HECW2: variants seen among roughly 807,000 people sequenced by gnomAD.
HECW2 encodes the protein E3 ubiquitin-protein ligase HECW2.
In HECW2, 61 loss-of-function variants were observed where a neutral mutation model predicts 175.2. The observed-to-expected ratio is 0.35, with a 90% CI of 0.28 to 0.43. The LOEUF (loss-of-function observed/expected upper bound fraction) is 0.43. HECW2 is among the 20% of genes least tolerant of loss of function. The pLI is 1.00. For synonymous variants in HECW2, 671 were observed against 731.0 expected (o/e 0.92, Z 1.32); for missense variants, 1,524 against 2,000.5 (o/e 0.76, Z 4.54).
rs1553628495 is a variant in HECW2 at position 196,198,587 on chromosome 2, CTCTCA to C, written c.*2685_*2689del. 1.3e-5 allele frequency: 2 copies of C among 152,150 alleles called. No individual in the cohort carries two copies. The highest frequency in any genetic ancestry group is 2.9e-5 in the Non-Finnish European group (2 of 68,022). The allele number at this position is 152,150 out of a possible 1,614,324, so 9.4% of individuals were successfully genotyped here. On this transcript the variant is annotated 3_prime_UTR_variant, in exon 29 of 29. Transcript: ENST00000644978. ...AGGGAATGCCAATGATGTGCTTGTTCTCTCATCTAAGAGATGTTCTGCATACATAT... is the reference window on the plus strand; with the variant it reads ...AGGGAATGCCAATGATGTGCTTGTTCTCTAAGAGATGTTCTGCATACATAT...
chr2:196,333,121 G>C (rs1028684319), intron 4 of HECW2, among the ~76,000 whole-genome samples: 1 of 151,974 alleles, frequency 6.6e-6, no homozygotes, highest in African/African-American at 2.4e-5. Context: ...GGAATTTCCT[G>C]ATCAGGACAA....
At chr2:196,468,312 G>T (rs1235799757) in intron 1 of HECW2, among the ~76,000 whole-genome samples, 1 of 152,118 alleles carries the variant, frequency 6.6e-6, no homozygotes, top group African/African-American at 2.4e-5. Context: ...CTTTAAAGAC[G>T]AATGTTTCAA....
chr2:196,320,232 A>C (rs1031683099), intron 8 of HECW2, 107 bp downstream of exon 8: 3 of 733,082 alleles, frequency 4.1e-6, no homozygotes, highest in Non-Finnish European at 6.8e-6. Context: ...TTTACTTTCA[A>C]AACAGAACAT....
intron 17 of HECW2, among the ~76,000 whole-genome samples, chr2:196,259,217 GC>G (rs1689185334): frequency 6.6e-6 from 1 of 152,188 alleles, no homozygotes; most frequent in African/African-American, 2.4e-5. Context: ...CATGTGAGCT[GC>G]CTGCCTTGGC....
At chr2:196,504,887 GA>G (rs971081024) in intron 1 of HECW2, among the ~76,000 whole-genome samples, 24 of 147,648 alleles carry the variant, frequency 1.6e-4, no homozygotes, top group Admixed American at 1.1e-3. Context: ...TTTTCAGGCT[GA>G]AAAAAAAAAT....
intron 1 of HECW2, among the ~76,000 whole-genome samples, chr2:196,454,111 A>C (rs1338343211): frequency 6.6e-6 from 1 of 152,096 alleles, no homozygotes; most frequent in Non-Finnish European, 1.5e-5. Context: ...CCCAGGTTCA[A>C]GCAATTTATG....
At chr2:196,470,599 A>G (rs1697156665) in intron 1 of HECW2, among the ~76,000 whole-genome samples, 1 of 152,196 alleles carries the variant, frequency 6.6e-6, no homozygotes, top group Admixed American at 6.5e-5. Context: ...GGCATAAAAA[A>G]CTAAGCAAGA....
intron 1 of HECW2, among the ~76,000 whole-genome samples, chr2:196,532,036 A>G (rs1429915111): frequency 6.6e-6 from 1 of 152,246 alleles, no homozygotes; most frequent in Non-Finnish European, 1.5e-5. Context: ...CCTGCACACA[A>G]CTGGCATCTA....
intron 1 of HECW2, among the ~76,000 whole-genome samples, chr2:196,555,208 G>A (rs557631611): frequency 3.3e-5 from 5 of 152,254 alleles, no homozygotes; most frequent in African/African-American, 7.2e-5. Flanking sequence ...CAACAGAAAT[G>A]TATTTATCAT....
chr2:196,292,361 C>A, intron 14 of HECW2: 1 of 506,726 alleles, frequency 2.0e-6, no homozygotes, highest in East Asian at 3.1e-5. Context: ...ACAGCCCTCC[C>A]TCCGCTCCCT....
intron 2 of HECW2, among the ~76,000 whole-genome samples, chr2:196,415,572 T>C (rs997299109): frequency 6.7e-6 from 1 of 149,270 alleles, no homozygotes; most frequent in Non-Finnish European, 1.5e-5. Flanking sequence ...GCTGACTTCC[T>C]GCTACCAATG....
At chr2:196,228,067 C>A in intron 22 of HECW2, 35 bp downstream of exon 22, 1 of 1,485,072 alleles carries the variant, frequency 6.7e-7, no homozygotes, top group Non-Finnish European at 9.0e-7. Context: ...CATAGGAAAT[C>A]GCCTGAAGAA....
At chr2:196,328,253 C>T (rs1692228227) in intron 5 of HECW2, among the ~76,000 whole-genome samples, 1 of 152,114 alleles carries the variant, frequency 6.6e-6, no homozygotes, top group Admixed American at 6.6e-5. Flanking sequence ...TTTTAGGAAA[C>T]AGGCAGATAA....
intron 14 of HECW2, among the ~76,000 whole-genome samples, chr2:196,282,139 C>T (rs1690211737): frequency 6.6e-6 from 1 of 152,172 alleles, no homozygotes; most frequent in African/African-American, 2.4e-5. Flanking sequence ...CCAGTGAAAA[C>T]TGTGTTTGTT....
intron 1 of HECW2, among the ~76,000 whole-genome samples, chr2:196,526,853 G>T (rs1426009775): frequency 1.3e-5 from 2 of 151,802 alleles, no homozygotes; most frequent in Non-Finnish European, 2.9e-5. Flanking sequence ...CTCCAGCTGC[G>T]TGCTGGGAGA....
rs549412645 is a variant in HECW2 at position 196,271,077 on chromosome 2, T to C, written c.3335+116A>G. On this transcript the variant is annotated intron_variant, in intron 17 of 28. Transcript: ENST00000644978. ...GATGACAAAATATTTGCATACAAGA[T>C]GTTTTGCAAAGGATGTCAGAAAGAA... is the stretch of plus-strand genomic sequence containing the variant. 5.3e-5 allele frequency: 35 copies of C among 661,118 alleles called. No homozygotes were observed. The East Asian group carries it at 9.2e-4, about 17-fold the overall frequency. 41.0% of individuals were successfully genotyped at this position (661,118 alleles called of 1,614,324 possible).
At chr2:196,526,615 A>G (rs1688659330) in intron 1 of HECW2, among the ~76,000 whole-genome samples, 1 of 139,702 alleles carries the variant, frequency 7.2e-6, no homozygotes, top group Admixed American at 6.8e-5. Flanking sequence ...GGTTTTATCT[A>G]CTTTTGGTCT....
At chr2:196,402,687 G>A (rs966288691) in intron 2 of HECW2, among the ~76,000 whole-genome samples, 20 of 151,338 alleles carry the variant, frequency 1.3e-4, no homozygotes, top group African/African-American at 2.7e-4. Context: ...GTAAGAGAAC[G>A]AACAAAATTT....
chr2:196,482,184 C>A (rs568506455), intron 1 of HECW2, among the ~76,000 whole-genome samples: 1 of 152,344 alleles, frequency 6.6e-6, no homozygotes, highest in South Asian at 2.1e-4. Context: ...GGGATACTCA[C>A]AGGGCCAATA....
Sources: gnomAD v4.1 joint callset for allele counts (sites outside exome capture counted in the v4.1 genomes callset) on GRCh38, gnomAD v4.1.1 for gene constraint, MANE v1.5 for transcripts, NCBI Gene and HGNC (gene_info 2026-07-23, HGNC 2026-07-21) for gene names.